Variants in SLC36A1 observed in about 807,000 individuals in gnomAD.
The protein encoded by SLC36A1 is solute carrier family 36 member 1.
Under a neutral mutation model 47.5 loss-of-function variants are expected in SLC36A1, and 30 were observed. That is an observed-to-expected ratio of 0.63 (90% CI 0.47 to 0.86). The LOEUF (loss-of-function observed/expected upper bound fraction) is 0.86. SLC36A1 is among the 40% of genes least tolerant of loss of function. The pLI is 0.00. For synonymous variants in SLC36A1, 255 were observed against 249.7 expected (o/e 1.02, Z -0.20); for missense variants, 517 against 606.0 (o/e 0.85, Z 1.54).
chr5:151,528,166 G>A, the SLC36A1 span: 2 of 1,608,744 alleles, frequency 1.2e-6, no homozygotes, highest in African/African-American at 1.3e-5. Context: ...TGAATGGAGG[G>A]ACAGGAATCT....
At chr5:151,406,592 G>T in the SLC36A1 span, 1 of 152,220 alleles carries the variant, frequency 6.6e-6, no homozygotes, top group Non-Finnish European at 1.5e-5. Context: ...AATGGTAATG[G>T]CTACCTTAAA....
chr5:151,530,960 A>G, the SLC36A1 span, among the ~76,000 whole-genome samples: 1 of 152,182 alleles, frequency 6.6e-6, no homozygotes, highest in Non-Finnish European at 1.5e-5. Flanking sequence ...TTGGGGAGGT[A>G]GAGAGCACCA....
Position 151,467,327 on chromosome 5 carries a change from C to T in SLC36A1, c.504+44C>T, listed in dbSNP as rs755181538. On this transcript the variant is annotated intron_variant, in intron 6 of 10. Transcript: ENST00000243389. The stretch of plus-strand genomic sequence containing the variant: ...AAGAAAAAAAAAAAAAAAACCAGAG[C>T]GAGAATGGCAAAAGATGATTGAAGT... 8 of 1,122,056 alleles carry T rather than the reference C, an allele frequency of 7.1e-6. No individual in the cohort carries two copies. In the East Asian group the frequency reaches 7.9e-5, roughly 11 times the overall value. The allele number at this position is 1,122,056 out of a possible 1,614,324, so 69.5% of individuals were successfully genotyped here.
chr5:151,399,734 A>G, the SLC36A1 span, among the ~76,000 whole-genome samples: 1 of 152,210 alleles, frequency 6.6e-6, no homozygotes, highest in South Asian at 2.1e-4. Flanking sequence ...TTTACAGATG[A>G]ATAAAATGAG....
chr5:151,517,428 T>A, the SLC36A1 span, among the ~76,000 whole-genome samples: 1 of 152,184 alleles, frequency 6.6e-6, no homozygotes, highest in Admixed American at 6.5e-5. Context: ...TGGACGTATA[T>A]CTCCAGGTTG....
intron 9 of SLC36A1, among the ~76,000 whole-genome samples, chr5:151,478,811 G>A (rs918787982): frequency 2.0e-5 from 3 of 147,652 alleles, no homozygotes. Flanking sequence ...GGGTGAGTGT[G>A]TGTTTTTTCC....
At chr5:151,464,323 T>C (rs1159897646) in intron 3 of SLC36A1, among the ~76,000 whole-genome samples, 191 bp from the exon 4 acceptor site, 1 of 152,206 alleles carries the variant, frequency 6.6e-6, no homozygotes, top group East Asian at 1.9e-4. Context: ...TGTGCTAAAG[T>C]TCAGATAACA....
the SLC36A1 span, among the ~76,000 whole-genome samples, chr5:151,405,390 C>T: frequency 7.3e-6 from 1 of 137,238 alleles, no homozygotes; most frequent in African/African-American, 2.8e-5. Flanking sequence ...TGCTCTGTCA[C>T]CCAGGCTGGA....
the SLC36A1 span, among the ~76,000 whole-genome samples, chr5:151,421,174 C>CCTTCCTTCCTTCCTTCCT: frequency 0.055 from 7,610 of 138,862 alleles, 433 homozygotes; most frequent in East Asian, 0.11. Context: ...CGCCCTTTCT[C>CCTTCCTTCCTTCCTTCCT]TCCTTCCTTC....
chr5:151,448,880 A>G (rs1753206323), intron 1 of SLC36A1, among the ~76,000 whole-genome samples: 1 of 152,090 alleles, frequency 6.6e-6, no homozygotes, highest in African/African-American at 2.4e-5. Context: ...TTCTGCTGTG[A>G]TCTGGATGTT....
At chr5:151,469,072 G>A (rs983755575) in intron 7 of SLC36A1, among the ~76,000 whole-genome samples, 1 of 145,914 alleles carries the variant, frequency 6.9e-6, no homozygotes, top group Non-Finnish European at 1.5e-5. Flanking sequence ...AAGTAAAAGC[G>A]GGTAAATAAA....
At chr5:151,476,831 C>T (rs528474199) in intron 9 of SLC36A1, 75 bp downstream of exon 9, 3 of 1,546,918 alleles carry the variant, frequency 1.9e-6, no homozygotes, top group South Asian at 1.2e-5. Flanking sequence ...GTGGATTCTC[C>T]CTCTTACTTA....
At chr5:151,550,810 T>A in the SLC36A1 span, 1 of 1,613,924 alleles carries the variant, frequency 6.2e-7, no homozygotes, top group Non-Finnish European at 8.5e-7. Flanking sequence ...TCTGACTTCA[T>A]AACGAGTTTC....
At chr5:151,476,515 G>A in intron 8 of SLC36A1, 75 bp from the exon 9 acceptor site, 2 of 1,220,026 alleles carry the variant, frequency 1.6e-6, no homozygotes, top group East Asian at 2.4e-5. Context: ...CTTTTTTTCT[G>A]AGGTTTTTTT....
At chr5:151,448,378 G>T (rs375987871) in intron 1 of SLC36A1, among the ~76,000 whole-genome samples, 1 of 152,180 alleles carries the variant, frequency 6.6e-6, no homozygotes, top group Non-Finnish European at 1.5e-5. Flanking sequence ...ACTCCTTTCT[G>T]TCCCTTTCTC....
rs751111599 is a variant in SLC36A1, at chr5:151,476,677, A to C, written c.910A>C (p.Ile304Leu). ...LGMVIVTILY[I>L]SLGCLGYLQF... ...CATGGTCATCGTCACCATCCTCTACATCAGCCTGGGGTGTCTGGGGTACCT... is the reference window on the plus strand; with the variant it reads ...CATGGTCATCGTCACCATCCTCTACCTCAGCCTGGGGTGTCTGGGGTACCT... The change falls in exon 9 of 11, where the codon ATC becomes CTC. Residue 304 changes from isoleucine to leucine, a missense_variant. Transcript: ENST00000243389. The C allele has an allele frequency of 3.1e-6, 5 of 1,613,604 alleles. No individual in the cohort carries two copies. In the African/African-American group the frequency reaches 6.7e-5, roughly 22 times the overall value.
the SLC36A1 span, chr5:151,543,446 C>G: frequency 6.2e-7 from 1 of 1,614,190 alleles, no homozygotes; most frequent in Non-Finnish European, 8.5e-7. Context: ...CCTCCTCCAT[C>G]CCGAGCCATG....
chr5:151,532,417 ACG>A, the SLC36A1 span, among the ~76,000 whole-genome samples: 37 of 143,082 alleles, frequency 2.6e-4, no homozygotes, highest in African/African-American at 8.5e-4. Flanking sequence ...ACACACACAC[ACG>A]CAAATGAGTG....
chr5:151,550,626 G>A, the SLC36A1 span: 20 of 1,614,130 alleles, frequency 1.2e-5, no homozygotes, highest in African/African-American at 1.3e-4. Context: ...GCCCCGAGCC[G>A]AGGTCCAATT....
Sources: gnomAD v4.1 joint callset for allele counts (sites outside exome capture counted in the v4.1 genomes callset) on GRCh38, gnomAD v4.1.1 for gene constraint, MANE v1.5 for transcripts, NCBI Gene and HGNC (gene_info 2026-07-23, HGNC 2026-07-21) for gene names.